FER1L6: variants seen among roughly 807,000 people sequenced by gnomAD.
FER1L6 encodes the protein fer-1 like family member 6, also known as fer-1-like protein 6.
In FER1L6, 177 loss-of-function variants were observed where a neutral mutation model predicts 219.2. That is an observed-to-expected ratio of 0.81 (90% CI 0.71 to 0.91). The LOEUF (loss-of-function observed/expected upper bound fraction) is 0.91, where lower values mean the gene tolerates loss of function less well. FER1L6 is among the 40% of genes least tolerant of loss of function. FER1L6 has a pLI of 0.00. For missense variants in FER1L6, 2,153 were observed against 2,259.9 expected, an observed-to-expected ratio of 0.95 and a Z score of 0.96; for synonymous variants, 768 against 824.3, an observed-to-expected ratio of 0.93 and a Z score of 1.17.
At chr8:123,880,289 C>T (rs1817086238) in intron 1 of FER1L6, among the ~76,000 whole-genome samples, 1 of 152,198 alleles carries the variant, frequency 6.6e-6, no homozygotes, top group South Asian at 2.1e-4. Context: ...CTAACTCCCA[C>T]TGTATTTAAC....
chr8:123,950,631 A>G (rs2130078029), intron 1 of FER1L6, among the ~76,000 whole-genome samples: 1 of 152,294 alleles, frequency 6.6e-6, no homozygotes, highest in Middle Eastern at 3.4e-3. Flanking sequence ...TGCAGGTGAA[A>G]TATTAAGATT....
At chr8:124,040,920 T>C (rs1819459758) in intron 20 of FER1L6, 1 of 152,252 alleles carries the variant, frequency 6.6e-6, no homozygotes, top group Non-Finnish European at 1.5e-5. Flanking sequence ...AATTTCAACA[T>C]GAGTTTTGGA....
At chr8:123,962,073 T>G (rs1815313069) in intron 2 of FER1L6, among the ~76,000 whole-genome samples, 1 of 151,980 alleles carries the variant, frequency 6.6e-6, no homozygotes, top group Admixed American at 6.6e-5. Flanking sequence ...GTATTTTTAG[T>G]AGAGATGGGG....
intron 12 of FER1L6, among the ~76,000 whole-genome samples, chr8:123,989,884 G>T (rs562457946): frequency 7.2e-5 from 11 of 152,176 alleles, no homozygotes; most frequent in African/African-American, 2.7e-4. Context: ...AAACATGCAG[G>T]AGTCTTTATG....
intron 20 of FER1L6, among the ~76,000 whole-genome samples, chr8:124,041,042 C>T (rs189894253): frequency 5.9e-5 from 9 of 152,126 alleles, no homozygotes; most frequent in African/African-American, 1.7e-4. Flanking sequence ...AGCAAAAATC[C>T]AGTAGGATGC....
intron 22 of FER1L6, among the ~76,000 whole-genome samples, chr8:124,056,484 G>A (rs917917055): frequency 6.6e-6 from 1 of 152,040 alleles, no homozygotes; most frequent in African/African-American, 2.4e-5. Context: ...TGTCTATGTG[G>A]TATAGATTTA....
intron 32 of FER1L6, among the ~76,000 whole-genome samples, chr8:124,076,881 G>A (rs1250393948): frequency 6.6e-6 from 1 of 152,236 alleles, no homozygotes; most frequent in East Asian, 1.9e-4. Flanking sequence ...GGTGACCCCT[G>A]AGGTCAAAGA....
At chr8:123,863,868 G>C (rs1816785524) in intron 1 of FER1L6, among the ~76,000 whole-genome samples, 1 of 151,138 alleles carries the variant, frequency 6.6e-6, no homozygotes. Flanking sequence ...TTGAGCCTAT[G>C]TGTGTCTCTG....
chr8:124,058,197 A>G (rs1820395751), intron 22 of FER1L6, among the ~76,000 whole-genome samples: 1 of 152,170 alleles, frequency 6.6e-6, no homozygotes, highest in Non-Finnish European at 1.5e-5. Context: ...CAGGGCTGGG[A>G]CTAGGGTCAT....
intron 2 of FER1L6, among the ~76,000 whole-genome samples, chr8:123,960,099 G>C (rs770453199): frequency 6.6e-6 from 1 of 152,162 alleles, no homozygotes; most frequent in Non-Finnish European, 1.5e-5. Flanking sequence ...TAACCTGTAG[G>C]GGGGTAAATG....
chr8:124,086,201 A>G (rs558373969), intron 33 of FER1L6, among the ~76,000 whole-genome samples: 10 of 152,226 alleles, frequency 6.6e-5, no homozygotes, highest in African/African-American at 1.9e-4. Context: ...GTCCGTTTAT[A>G]TTCAATGTTA....
intron 34 of FER1L6, 119 bp downstream of exon 34, chr8:124,091,702 C>T: frequency 9.3e-7 from 1 of 1,078,024 alleles, no homozygotes. Context: ...CACAGTGGCT[C>T]ACGTCTGTAA....
chr8:124,023,448 A>G lies in FER1L6; in HGVS notation c.2138A>G (p.Gln713Arg). 1 of 1,613,950 alleles carries G rather than the reference A, an allele frequency of 6.2e-7. No individual in the cohort carries two copies. The highest frequency in any genetic ancestry group is 1.1e-5 in the South Asian group (1 of 91,040). The part of the protein sequence containing the change: ...EKIRFLVDEP[Q>R]HTIPDVFIWM... ...CAACTCCCTCTATTCCCACAGCCCC[A>G]GCACACTATCCCTGACGTTTTCATC... Residue 713 changes from glutamine to arginine, a missense_variant, in exon 18 of 41, where the codon CAG (glutamine) becomes CGG (arginine). Physicochemically the swap from Gln to Arg is conservative, Grantham distance 43 (BLOSUM62 1). Coordinates refer to ENST00000522917, the MANE Select transcript of FER1L6 (RefSeq NM_001039112.2).
In FER1L6 at chr8:124,035,353, A is replaced by T; in HGVS notation, c.2363A>T (p.His788Leu). The T allele has an allele frequency of 2.5e-6, 4 of 1,614,142 alleles. No homozygotes were observed. Among genetic ancestry groups the T allele is most frequent in the Non-Finnish European group, 3.4e-6 (4 of 1,180,004 alleles). The change falls in exon 19 of 41, where the codon CAT becomes CTT. Residue 788 changes from histidine (H) to leucine (L), a missense_variant. Transcript: ENST00000522917. ...TACCTGTGGCTGGGCTCCATCAAGC[A>T]TGCCAGTGCCATTTTGGACAACTTG... ...DVYLWLGSIK[H>L]ASAILDNLPV...
intron 1 of FER1L6, among the ~76,000 whole-genome samples, chr8:123,870,452 G>T (rs1272768386): frequency 6.6e-6 from 1 of 152,120 alleles, no homozygotes; most frequent in African/African-American, 2.4e-5. Context: ...TCATGCAATG[G>T]AATATTATTC....
intron 13 of FER1L6, 123 bp from the exon 14 acceptor site, chr8:124,010,471 T>G: frequency 8.8e-7 from 1 of 1,137,838 alleles, no homozygotes; most frequent in Non-Finnish European, 1.2e-6. Flanking sequence ...TGTTAAAAGT[T>G]TGATAGTTTT....
chr8:124,014,333 T>G (rs1818082054), intron 15 of FER1L6: 1 of 152,652 alleles, frequency 6.6e-6, no homozygotes, highest in Admixed American at 6.5e-5. Flanking sequence ...GTTGTCTTAT[T>G]TTTTATACAA....
rs146129932 is a variant in FER1L6, at chr8:123,950,618, T to G, written c.-7-5374T>G. 3.3e-5 allele frequency among the ~76,000 whole-genome samples: 5 copies of G among 152,298 alleles called. No homozygotes were observed. The East Asian group carries it at 9.6e-4, about 29-fold the overall frequency. The stretch of plus-strand genomic sequence containing the variant: ...GGTGTATTTCCTAGACTCAGCTGAC[T>G]CTTGCAGGTGAAATATTAAGATTCT... On this transcript the variant is annotated intron_variant, in intron 1 of 40. Coordinates refer to ENST00000522917, the MANE Select transcript of FER1L6 (RefSeq NM_001039112.2).
In FER1L6 at chr8:123,972,788, G is replaced by C. The variant is rs1815880319; in HGVS notation, c.448-646G>C. On this transcript the variant is annotated intron_variant, in intron 6 of 40. Coordinates refer to ENST00000522917, the MANE Select transcript of FER1L6 (RefSeq NM_001039112.2). ...TTTTCTCTTTTATGGGTGACAGATT[G>C]AACTTTTCTCCTGGTTCTTCAGCAG... is the stretch of plus-strand genomic sequence containing the variant. Among the ~76,000 whole-genome samples, 3 of 152,278 alleles carry C rather than the reference G, an allele frequency of 2.0e-5. No individual in the cohort carries two copies. In the South Asian group the frequency reaches 6.2e-4, roughly 32 times the overall value.
Sources: gnomAD v4.1 joint callset for allele counts (sites outside exome capture counted in the v4.1 genomes callset) on GRCh38, gnomAD v4.1.1 for gene constraint, MANE v1.5 for transcripts, NCBI Gene and HGNC (gene_info 2026-07-23, HGNC 2026-07-21) for gene names.